The following SPIB variants were observed in gnomAD, a reference collection of about 807,000 sequenced individuals.
SPIB encodes the protein Spi-B transcription factor.
SPIB carries 7 observed loss-of-function variants against 31.9 expected under a neutral mutation model. That is an observed-to-expected ratio of 0.22 (90% confidence interval 0.12 to 0.41). The LOEUF is 0.41. Ranked by LOEUF, SPIB falls within the 10% of genes least tolerant of loss-of-function variation. The pLI, the probability that SPIB is intolerant of heterozygous loss-of-function variation, is 1.00. For missense variants in SPIB, 327 were observed against 360.2 expected, an observed-to-expected ratio of 0.91 and a Z score of 0.75; for synonymous variants, 176 against 158.9, an observed-to-expected ratio of 1.11 and a Z score of -0.81.
Position 50,422,952 on chromosome 19 carries a change from C to A in SPIB, c.254C>A (p.Pro85His). ...QLCYEPPTYS[P>H]AGNLELAPSL... is the part of the protein sequence containing the mutation. The stretch of plus-strand genomic sequence containing the variant: ...TGCTACGAACCCCCCACCTACAGCC[C>A]TGCAGGGAACCTCGAACTGGCCCCC... The change falls in exon 4 of 6, where the codon CCT becomes CAT. Residue 85 changes from proline (P) to histidine (H), a missense_variant. Transcript: ENST00000595883. The A allele has an allele frequency of 6.3e-7, 1 of 1,592,196 alleles. No homozygotes were observed. The highest frequency in any genetic ancestry group is 8.6e-7 in the Non-Finnish European group (1 of 1,166,822).
Position 50,423,712 on chromosome 19 carries a change from T to C in SPIB, c.447T>C (p.Asp149=), listed in dbSNP as rs372608551. 327 of 1,613,170 alleles carry C rather than the reference T, an allele frequency of 2.0e-4. No individual in the cohort carries two copies. Among genetic ancestry groups the C allele is most frequent in the Admixed American group, 4.5e-4 (27 of 59,874 alleles). Residue 149 remains aspartate, a synonymous_variant, in exon 5 of 6, where the codon GAT becomes GAC. Coordinates refer to ENST00000595883, the MANE Select transcript of SPIB (RefSeq NM_003121.5). ...TGGAGGTCTCGGACAGCGAGTCGGATGAGGCCCTCGTGGCTGGCCCCGAGG... is the reference window on the plus strand; with the variant it reads ...TGGAGGTCTCGGACAGCGAGTCGGACGAGGCCCTCGTGGCTGGCCCCGAGG... ...PALEVSDSES[D]EALVAGPEGK...
intron 5 of SPIB, among the ~76,000 whole-genome samples, chr19:50,424,509 A>G (rs1345128075): frequency 2.0e-5 from 3 of 152,010 alleles, no homozygotes; most frequent in Non-Finnish European, 4.4e-5. Context: ...TAGGCTGGGC[A>G]TGGTGGCTCA....
At position 50,428,390 on chromosome 19, in the gene SPIB, A is replaced by G; in HGVS notation, c.*54A>G. On this transcript the variant is annotated 3_prime_UTR_variant, in exon 6 of 6. Transcript: ENST00000595883. The surrounding 1 kb of genome is among the most constrained non-coding windows in gnomAD (Gnocchi z 6.5). ...CGCTGGGGGACCTCACGTCCCAGCC[A>G]GGATCCCCCTGGAAGAAAAAGGGCG... The G allele has an allele frequency of 6.8e-7, 1 of 1,476,794 alleles. No homozygotes were observed. Among genetic ancestry groups the G allele is most frequent in the Non-Finnish European group, 9.0e-7 (1 of 1,111,822 alleles). The allele number at this position is 1,476,794 out of a possible 1,614,324, so 91.5% of individuals were successfully genotyped here. A position where few individuals can be genotyped will look rare whatever the true frequency, so the allele number is the denominator to read the frequency against.
chr19:50,428,444 G>A lies in SPIB; in HGVS notation c.*108G>A, dbSNP rs1205616141. The A allele has an allele frequency of 4.8e-6, 6 of 1,240,814 alleles. No individual in the cohort carries two copies. The highest frequency in any genetic ancestry group is 1.5e-5 in the African/African-American group (1 of 65,510). The allele number at this position is 1,240,814 out of a possible 1,614,324, so 76.9% of individuals were successfully genotyped here. A position where few individuals can be genotyped will look rare whatever the true frequency, so the allele number is the denominator to read the frequency against. On this transcript the variant is annotated 3_prime_UTR_variant, in exon 6 of 6. Coordinates refer to ENST00000595883, the MANE Select transcript of SPIB (RefSeq NM_003121.5). The surrounding 1 kb of genome is among the most constrained non-coding windows in gnomAD (Gnocchi z 6.5). ...CCACACTCTAGGTGATAGGACTTACGCATCCCCACCTTTTGGGGTAAGGGG... is the reference window on the plus strand; with the variant it reads ...CCACACTCTAGGTGATAGGACTTACACATCCCCACCTTTTGGGGTAAGGGG...
chr19:50,419,014 G>C (rs373382659), intron 1 of SPIB, 29 bp downstream of exon 1: 45 of 1,550,332 alleles, frequency 2.9e-5, no homozygotes, highest in Non-Finnish European at 3.8e-5. Flanking sequence ...ACCTGCACCC[G>C]GGGTCCCCAC....
At chr19:50,421,617 G>A (rs1158144493) in intron 2 of SPIB, among the ~76,000 whole-genome samples, 1 of 149,422 alleles carries the variant, frequency 6.7e-6, no homozygotes, top group South Asian at 2.1e-4. Context: ...CACCATGCCC[G>A]GCCTATTTAT....
chr19:50,419,819 G>T, intron 1 of SPIB, 127 bp from the exon 2 acceptor site: 1 of 916,834 alleles, frequency 1.1e-6, no homozygotes, highest in Non-Finnish European at 1.6e-6. Flanking sequence ...GAATGTGGTG[G>T]GGCTGGTCCC....
chr19:50,423,850 GC>G, intron 5 of SPIB, 95 bp downstream of exon 5: 1 of 1,396,200 alleles, frequency 7.2e-7, no homozygotes, highest in Non-Finnish European at 9.7e-7. Flanking sequence ...ATATACTCCA[GC>G]ACTCTGGGCA....
chr19:50,420,302 A>G lies in SPIB; in HGVS notation c.51+329A>G, dbSNP rs2039478428. ...TCAGATACGGAATACTATACCCAAC[A>G]CCCTTGAACCCACAATCCAGTCTGA... On this transcript the variant is annotated intron_variant, in intron 2 of 5. Coordinates refer to ENST00000595883, the MANE Select transcript of SPIB (RefSeq NM_003121.5). Among the ~76,000 whole-genome samples, 2 of 151,936 alleles carry G rather than the reference A, an allele frequency of 1.3e-5. 1 individual carries two copies. The highest frequency in any genetic ancestry group is 4.1e-4 in the South Asian group (2 of 4,822).
intron 5 of SPIB, among the ~76,000 whole-genome samples, chr19:50,426,863 C>T (rs965384682): frequency 6.6e-6 from 1 of 152,090 alleles, no homozygotes; most frequent in African/African-American, 2.4e-5. Context: ...GGTGCAGTGG[C>T]TCACACCTGT....
Position 50,430,443 on chromosome 19 carries a change from G to T in SPIB, c.*2107G>T. On this transcript the variant is annotated 3_prime_UTR_variant, in exon 6 of 6. Transcript: ENST00000595883. ...GAAAAAGGGAGAGAAGGAGGAGGAA[G>T]ATCTCAAAAAGACTTTCCAGCCCAG... 1 of 152,332 alleles carries T rather than the reference G, an allele frequency of 6.6e-6. No homozygotes were observed. The allele number at this position is 152,332 out of a possible 1,614,324, so 9.4% of individuals were successfully genotyped here.
chr19:50,426,856 G>A (rs190096836), intron 5 of SPIB, among the ~76,000 whole-genome samples: 110 of 152,218 alleles, frequency 7.2e-4, no homozygotes, highest in Middle Eastern at 6.8e-3. Context: ...CAATCCGGGT[G>A]CAGTGGCTCA....
intron 5 of SPIB, among the ~76,000 whole-genome samples, chr19:50,425,882 G>A (rs1193897287): frequency 1.3e-5 from 2 of 152,128 alleles, no homozygotes; most frequent in African/African-American, 4.8e-5. Flanking sequence ...GGTCCAAGGC[G>A]TCGGCCAAAC....
At position 50,427,493 on chromosome 19, in the gene SPIB, C is replaced by T. The variant is rs868580413; in HGVS notation, c.491-545C>T. 2.6e-5 allele frequency among the ~76,000 whole-genome samples: 4 copies of T among 152,224 alleles called. No individual in the cohort carries two copies. In the South Asian group the frequency reaches 8.3e-4, roughly 32 times the overall value. ...TAAGCCGAGATTGCGCCATTGCACT[C>T]CAGCCTGGGCCGCAGAGCAAGACCC... is the stretch of plus-strand genomic sequence containing the variant. On this transcript the variant is annotated intron_variant, in intron 5 of 5. Transcript: ENST00000595883.
rs143398036 is a variant in SPIB, at chr19:50,423,645, T to G, written c.380T>G (p.Val127Gly). ...GCATATGCCCCGTACCCCAGCCCTG[T>G]GCTATCAGAGGAGGAAGACTTACCG... The part of the protein sequence containing the change: ...PPAYAPYPSP[V>G]LSEEEDLPLD... Residue 127 changes from valine (V) to glycine (G), a missense_variant, in exon 5 of 6, where the codon GTG becomes GGG. Physicochemically the swap from Val to Gly is moderately radical, Grantham distance 109 (BLOSUM62 -3). This residue lies in a region of SPIB where 238 missense variants were observed against 228.8 expected (regional missense o/e 1.04). Transcript: ENST00000595883. The G allele has an allele frequency of 7.4e-4, 1,192 of 1,614,066 alleles. 1 individual carries two copies. The highest frequency in any genetic ancestry group is 9.5e-4 in the Non-Finnish European group (1,120 of 1,180,006).
At position 50,427,967 on chromosome 19, in the gene SPIB, G is replaced by A. The variant is rs1421609790; in HGVS notation, c.491-71G>A. The A allele has an allele frequency of 3.5e-6, 5 of 1,432,294 alleles. No homozygotes were observed. In the African/African-American group the frequency reaches 4.4e-5, roughly 13 times the overall value. The allele number at this position is 1,432,294 out of a possible 1,614,324, so 88.7% of individuals were successfully genotyped here. A position where few individuals can be genotyped will look rare whatever the true frequency, so the allele number is the denominator to read the frequency against. The stretch of plus-strand genomic sequence containing the variant: ...GATGGAGGCCGGGGTGGAAGTCTCG[G>A]AGGAGGGTGGATGGGGAAGGCGGGG... On this transcript the variant is annotated intron_variant, in intron 5 of 5. Transcript: ENST00000595883.
chr19:50,422,581 G>A, intron 3 of SPIB, 36 bp downstream of exon 3: 1 of 1,606,928 alleles, frequency 6.2e-7, no homozygotes. Context: ...TCCTGCCTTG[G>A]GGCCCATTTC....
At chr19:50,424,800 GAA>G (rs1023690101) in intron 5 of SPIB, among the ~76,000 whole-genome samples, 2 of 143,842 alleles carry the variant, frequency 1.4e-5, no homozygotes, top group East Asian at 4.4e-4. Flanking sequence ...AAAAAAGAAA[GAA>G]AAAAAAATTA....
chr19:50,422,987 G>T lies in SPIB; in HGVS notation c.289G>T (p.Ala97Ser), dbSNP rs774243420. 6.4e-7 allele frequency: 1 copy of T among 1,567,062 alleles called. No homozygotes were observed. The highest frequency in any genetic ancestry group is 8.7e-7 in the Non-Finnish European group (1 of 1,155,012). Residue 97 changes from alanine to serine, a missense_variant, in exon 4 of 6, where the codon GCC becomes TCC. By Grantham distance (99) the Ala-to-Ser change is moderately conservative. Coordinates refer to ENST00000595883, the MANE Select transcript of SPIB (RefSeq NM_003121.5). Reference protein sequence around the residue: ...GNLELAPSLEAPGPGLPAYPT... With the variant: ...GNLELAPSLESPGPGLPAYPT... ...CCTCGAACTGGCCCCCAGCCTGGAG[G>T]CCCCGGGGCCTGGCCTCCCTGCATA...
Sources: gnomAD v4.1 joint callset for allele counts (sites outside exome capture counted in the v4.1 genomes callset) on GRCh38, gnomAD v4.1.1 for gene constraint, gnomAD v4.1.1 regional missense constraint, Gnocchi (gnomAD v3.1) non-coding constraint, MANE v1.5 for transcripts, NCBI Gene and HGNC (gene_info 2026-07-23, HGNC 2026-07-21) for gene names.